The following DNASE2 variants were observed in gnomAD, a reference collection of about 807,000 sequenced individuals.
The protein encoded by DNASE2 is deoxyribonuclease-2-alpha.
A neutral mutation model predicts 29.8 loss-of-function variants in DNASE2; 26 were observed. That is an observed-to-expected ratio of 0.87 (90% confidence interval 0.64 to 1.21). The LOEUF (loss-of-function observed/expected upper bound fraction) is 1.21, where lower values mean the gene tolerates loss of function less well. Among genes scored for constraint, DNASE2 ranks in the 50% most tolerant of loss-of-function variants. DNASE2 has a pLI of 0.00. For missense variants in DNASE2, 415 were observed against 455.6 expected, an observed-to-expected ratio of 0.91 and a Z score of 0.81; for synonymous variants, 186 against 193.5, an observed-to-expected ratio of 0.96 and a Z score of 0.32.
chr19:12,875,719 A>C lies in DNASE2; in HGVS notation c.*271T>G. On this transcript the variant is annotated 3_prime_UTR_variant, in exon 6 of 6. Transcript: ENST00000222219. ...GTCCCCCGCCCCCCCTTTTTTTTTG[A>C]AACAGAGTCTTGCTATGTGACCCAG... is the stretch of plus-strand genomic sequence containing the variant. 9.8e-6 allele frequency: 2 copies of C among 204,142 alleles called. No homozygotes were observed. Among genetic ancestry groups the C allele is most frequent in the Non-Finnish European group, 1.9e-5 (2 of 107,858 alleles). 12.6% of individuals were successfully genotyped at this position (204,142 alleles called of 1,614,324 possible). A position where few individuals can be genotyped will look rare whatever the true frequency, so the allele number is the denominator to read the frequency against.
At chr19:12,876,845 C>T (rs1320016327) in intron 5 of DNASE2, among the ~76,000 whole-genome samples, 1 of 146,806 alleles carries the variant, frequency 6.8e-6, no homozygotes, top group Non-Finnish European at 1.5e-5. Flanking sequence ...GTTTTTGAGA[C>T]AGAGTCTCAC....
chr19:12,881,334 G>A lies in DNASE2; in HGVS notation c.42C>T (p.Ala14=). 1.9e-6 allele frequency: 3 copies of A among 1,569,262 alleles called. No homozygotes were observed. The highest frequency in any genetic ancestry group is 2.6e-6 in the Non-Finnish European group (3 of 1,158,184). ...AGTCCCCGTAGCAGGTCAGGGCCCCGGCGGGGACGCACAGCAGCGCTGCCA... is the reference window on the plus strand; with the variant it reads ...AGTCCCCGTAGCAGGTCAGGGCCCCAGCGGGGACGCACAGCAGCGCTGCCA... The part of the protein sequence containing the change: ...LLLAALLCVP[A]GALTCYGDSG... The change falls in exon 1 of 6, where the codon GCC becomes GCT. Residue 14 remains alanine, a synonymous_variant. Transcript: ENST00000222219.
At chr19:12,877,172 G>A (rs895080652) in intron 5 of DNASE2, among the ~76,000 whole-genome samples, 4 of 152,046 alleles carry the variant, frequency 2.6e-5, no homozygotes, top group Non-Finnish European at 4.4e-5. Flanking sequence ...TGACCCACCC[G>A]CCTTGGTCTC....
intron 5 of DNASE2, among the ~76,000 whole-genome samples, chr19:12,876,721 G>A (rs910728401): frequency 2.6e-5 from 4 of 151,766 alleles, no homozygotes; most frequent in Admixed American, 6.6e-5. Flanking sequence ...CAAAATGCTG[G>A]GACTACAGGT....
Position 12,876,066 on chromosome 19 carries a change from G to C in DNASE2, c.1007C>G (p.Ala336Gly), listed in dbSNP as rs771475665. The C allele has an allele frequency of 4.3e-6, 7 of 1,614,114 alleles. No individual in the cohort carries two copies. The East Asian group carries it at 1.6e-4, about 36-fold the overall frequency. The change falls in exon 6 of 6, where the codon GCC (alanine) becomes GGC (glycine). Residue 336 changes from alanine (A) to glycine (G), a missense_variant. Transcript: ENST00000222219. ...LCAQLPALWK[A>G]FQPLVKNYQP... ...GTAGTTCTTCACCAGCGGCTGGAAG[G>C]CTTTCCAGAGGGCTGGCAGCTGGGC...
Position 12,878,650 on chromosome 19 carries a change from G to T in DNASE2, c.511+20C>A. The T allele has an allele frequency of 6.2e-7, 1 of 1,613,984 alleles. No homozygotes were observed. Among genetic ancestry groups the T allele is most frequent in the Non-Finnish European group, 8.5e-7 (1 of 1,179,972 alleles). ...GGTCAGTAAACCCAGGACTCATCCT[G>T]TGTCCCTGACTCGACTTACCCATCT... On this transcript the variant is annotated intron_variant, in intron 4 of 5. Transcript: ENST00000222219.
Position 12,875,694 on chromosome 19 carries a change from G to A in DNASE2, c.*296C>T, listed in dbSNP as rs1352896624. On this transcript the variant is annotated 3_prime_UTR_variant, in exon 6 of 6. Coordinates refer to ENST00000222219, the MANE Select transcript of DNASE2 (RefSeq NM_001375.3). The stretch of plus-strand genomic sequence containing the variant: ...CAGATGTGAGCCACTGCACCCACCC[G>A]TCCCCCGCCCCCCCTTTTTTTTTGA... 9.5e-5 allele frequency: 21 copies of A among 220,780 alleles called. No homozygotes were observed. Among genetic ancestry groups the A allele is most frequent in the Admixed American group, 3.0e-4 (5 of 16,708 alleles). 13.7% of individuals were successfully genotyped at this position (220,780 alleles called of 1,614,324 possible).
chr19:12,876,610 C>A (rs1237658928), intron 5 of DNASE2, among the ~76,000 whole-genome samples: 2 of 151,420 alleles, frequency 1.3e-5, no homozygotes, highest in African/African-American at 4.9e-5. Context: ...CAGGCATGCA[C>A]AACCATACCC....
chr19:12,881,272 C>T lies in DNASE2; in HGVS notation c.86+18G>A. 1 of 1,582,154 alleles carries T rather than the reference C, an allele frequency of 6.3e-7. No individual in the cohort carries two copies. Among genetic ancestry groups the T allele is most frequent in the Non-Finnish European group, 8.6e-7 (1 of 1,164,976 alleles). On this transcript the variant is annotated intron_variant, in intron 1 of 5. Transcript: ENST00000222219. ...GCCGGACCCCGGGGCGATGGTAGGC[C>T]CCCCGCTGCGCACTCACCAGTCTAC...
chr19:12,878,277 C>T, intron 5 of DNASE2, 105 bp downstream of exon 5: 1 of 1,435,742 alleles, frequency 7.0e-7, no homozygotes, highest in African/African-American at 1.4e-5. Context: ...GATTATAGCT[C>T]CCAAACAGAC....
intron 3 of DNASE2, among the ~76,000 whole-genome samples, chr19:12,879,198 T>A (rs1197662324): frequency 1.4e-5 from 2 of 142,276 alleles, no homozygotes; most frequent in Non-Finnish European, 3.0e-5. Context: ...AAATAAAAAT[T>A]TAAAAAAAGA....
chr19:12,878,264 T>C lies in DNASE2; in HGVS notation c.709+118A>G, dbSNP rs930712121. 2.3e-5 allele frequency: 31 copies of C among 1,321,594 alleles called. No individual in the cohort carries two copies. The East Asian group carries it at 4.4e-4, about 19-fold the overall frequency. 81.9% of individuals were successfully genotyped at this position (1,321,594 alleles called of 1,614,324 possible). On this transcript the variant is annotated intron_variant, in intron 5 of 5. Transcript: ENST00000222219. ...TGAACCCAGGTCTGTTCACTGATCA[T>C]GTGATTATAGCTCCCAAACAGACCT...
rs1970320902 is a variant in DNASE2 at position 12,876,378 on chromosome 19, G to C, written c.710-15C>G. On this transcript the variant is annotated splice_polypyrimidine_tract_variant and intron_variant, in intron 5 of 5. Transcript: ENST00000222219. The stretch of plus-strand genomic sequence containing the variant: ...GGAGTACAGGTCTGCAAAGGATGGA[G>C]AGAGGGCACAGGTAGGGTCAGGGCC... 2 of 1,609,402 alleles carry C rather than the reference G, an allele frequency of 1.2e-6. No individual in the cohort carries two copies. The highest frequency in any genetic ancestry group is 8.5e-7 in the Non-Finnish European group (1 of 1,179,938).
chr19:12,881,339 G>A lies in DNASE2; in HGVS notation c.37C>T (p.Pro13Ser). Residue 13 changes from proline to serine, a missense_variant, in exon 1 of 6, where the codon CCC becomes TCC. By Grantham distance (74) the Pro-to-Ser change is moderately conservative. Transcript: ENST00000222219. Reference sequence around the variant, plus strand: ...CCGTAGCAGGTCAGGGCCCCGGCGGGGACGCACAGCAGCGCTGCCAGCAGC... The same window carrying A: ...CCGTAGCAGGTCAGGGCCCCGGCGGAGACGCACAGCAGCGCTGCCAGCAGC... ...PLLLAALLCV[P>S]AGALTCYGDS... is the part of the protein sequence containing the mutation. 1 of 1,568,720 alleles carries A rather than the reference G, an allele frequency of 6.4e-7. No homozygotes were observed. The highest frequency in any genetic ancestry group is 8.6e-7 in the Non-Finnish European group (1 of 1,157,912).
rs768011997 is a variant in DNASE2, at chr19:12,881,270, G to GC, written c.86+19dup. 45 of 1,581,578 alleles carry GC rather than the reference G, an allele frequency of 2.8e-5. No individual in the cohort carries two copies. Among genetic ancestry groups the GC allele is most frequent in the African/African-American group, 8.1e-5 (6 of 74,034 alleles). ...CAGCCGGACCCCGGGGCGATGGTAGGCCCCCCGCTGCGCACTCACCAGTCT... is the reference window on the plus strand; with the variant it reads ...CAGCCGGACCCCGGGGCGATGGTAGGCCCCCCCGCTGCGCACTCACCAGTCT... On this transcript the variant is annotated intron_variant, in intron 1 of 5. Transcript: ENST00000222219.
At position 12,876,408 on chromosome 19, in the gene DNASE2, C is replaced by A. The variant is rs376687145; in HGVS notation, c.710-45G>T. 8.1e-6 allele frequency: 13 copies of A among 1,596,876 alleles called. No homozygotes were observed. The South Asian group carries it at 1.4e-4, about 18-fold the overall frequency. ...GGCACAGGTAGGGTCAGGGCCACTG[C>A]GAGGGAGTCCCTAGTCCACTTCCCC... On this transcript the variant is annotated intron_variant, in intron 5 of 5. Coordinates refer to ENST00000222219, the MANE Select transcript of DNASE2 (RefSeq NM_001375.3).
chr19:12,878,035 G>C (rs529644625), intron 5 of DNASE2: 2 of 360,326 alleles, frequency 5.6e-6, no homozygotes, highest in Non-Finnish European at 1.1e-5. Flanking sequence ...GGCTTGTCTT[G>C]GATGCCTGTC....
intron 3 of DNASE2, among the ~76,000 whole-genome samples, chr19:12,879,392 G>C (rs1225880660): frequency 4.1e-5 from 6 of 148,032 alleles, no homozygotes; most frequent in Non-Finnish European, 4.4e-5. Flanking sequence ...GCTGATGCAG[G>C]AGAATCACTT....
chr19:12,877,107 T>C (rs925210630), intron 5 of DNASE2, among the ~76,000 whole-genome samples: 1 of 152,138 alleles, frequency 6.6e-6, no homozygotes. Context: ...GTACTTTTAG[T>C]AGAGATGGAG....
Sources: gnomAD v4.1 joint callset for allele counts (sites outside exome capture counted in the v4.1 genomes callset) on GRCh38, gnomAD v4.1.1 for gene constraint, MANE v1.5 for transcripts, NCBI Gene and HGNC (gene_info 2026-07-23, HGNC 2026-07-21) for gene names.